SH3GL1: variants seen among roughly 807,000 people sequenced by gnomAD.
SH3GL1 encodes SH3 domain containing GRB2 like 1, endophilin A2, also known as endophilin-A2.
Under a neutral mutation model 48.8 loss-of-function variants are expected in SH3GL1, and 21 were observed. That is an observed-to-expected ratio of 0.43 (90% CI 0.30 to 0.62). SH3GL1 has a LOEUF of 0.62. Among genes scored for constraint, SH3GL1 ranks in the 20% least tolerant of loss-of-function variants. The pLI is 0.11. For synonymous variants in SH3GL1, 282 were observed against 217.5 expected (o/e 1.30, Z -2.61); for missense variants, 454 against 503.0 (o/e 0.90, Z 0.93).
At chr19:4,392,518 T>TCACACACACACACACACACACACACA (rs60108906) in intron 1 of SH3GL1, among the ~76,000 whole-genome samples, 1 of 137,766 alleles carries the variant, frequency 7.3e-6, no homozygotes, top group South Asian at 2.5e-4. Flanking sequence ...CAAGACTCCG[T>TCACACACACACACACACACACACACA]CACACACACA....
At chr19:4,388,049 T>C (rs558068228) in intron 1 of SH3GL1, among the ~76,000 whole-genome samples, 15 of 151,876 alleles carry the variant, frequency 9.9e-5, no homozygotes, top group African/African-American at 2.7e-4. Context: ...TTAGTAGAGA[T>C]GGGGTTTCAC....
chr19:4,383,391 T>A (rs964401426), intron 1 of SH3GL1, among the ~76,000 whole-genome samples: 4 of 151,840 alleles, frequency 2.6e-5, no homozygotes, highest in African/African-American at 7.3e-5. Context: ...TTTTTTTTTT[T>A]ATTTTTTATT....
Position 4,369,552 on chromosome 19 carries a change from G to T in SH3GL1, c.46-2558C>A, listed in dbSNP as rs989842572. Reference sequence around the variant, plus strand: ...CAGGAGGAGAGGCCCTACCGGCGAGGACCACATCCTGCCTCTGAGGGGAGG... The same window carrying T: ...CAGGAGGAGAGGCCCTACCGGCGAGTACCACATCCTGCCTCTGAGGGGAGG... On this transcript the variant is annotated intron_variant, in intron 1 of 9. Coordinates refer to ENST00000269886, the MANE Select transcript of SH3GL1 (RefSeq NM_003025.4). Among the ~76,000 whole-genome samples the T allele has an allele frequency of 1.5e-4, 23 of 152,280 alleles. No homozygotes were observed. In the South Asian group the frequency reaches 4.8e-3, roughly 32 times the overall value.
chr19:4,362,674 T>C lies in SH3GL1; in HGVS notation c.791A>G (p.Asp264Gly). 1 of 1,613,940 alleles carries C rather than the reference T, an allele frequency of 6.2e-7. No homozygotes were observed. Among genetic ancestry groups the C allele is most frequent in the African/African-American group, 1.3e-5 (1 of 75,052 alleles). ...EYKPKPREPF[D>G]LGEPEQSNGG... is the part of the protein sequence containing the mutation. ...GTTGGACTGCTCAGGCTCTCCAAGG[T>C]CAAAGGGCTCCCGGGGCTTGGGCTT... The change falls in exon 8 of 10, where the codon GAC becomes GGC. Residue 264 changes from aspartate to glycine, a missense_variant. Asp to Gly is a moderately conservative substitution (Grantham distance 94). Coordinates refer to ENST00000269886, the MANE Select transcript of SH3GL1 (RefSeq NM_003025.4).
At position 4,361,348 on chromosome 19, in the gene SH3GL1, G is replaced by A. The variant is rs566880804; in HGVS notation, c.*252C>T. 11 of 528,192 alleles carry A rather than the reference G, an allele frequency of 2.1e-5. No homozygotes were observed. Among genetic ancestry groups the A allele is most frequent in the Admixed American group, 1.0e-4 (3 of 29,476 alleles). The allele number at this position is 528,192 out of a possible 1,614,324, so 32.7% of individuals were successfully genotyped here. ...TTGGGGAGCGGGGGAGGAGGCTGGCGCCATGGAGTGGGGAAGGGAGCCGTC... is the reference window on the plus strand; with the variant it reads ...TTGGGGAGCGGGGGAGGAGGCTGGCACCATGGAGTGGGGAAGGGAGCCGTC... On this transcript the variant is annotated 3_prime_UTR_variant, in exon 10 of 10. Transcript: ENST00000269886.
At chr19:4,393,479 T>C (rs557351939) in intron 1 of SH3GL1, among the ~76,000 whole-genome samples, 1 of 151,694 alleles carries the variant, frequency 6.6e-6, no homozygotes, top group African/African-American at 2.4e-5. Flanking sequence ...AGACTCAGTC[T>C]CTACAAAAAA....
At chr19:4,373,655 C>A (rs577134036) in intron 1 of SH3GL1, among the ~76,000 whole-genome samples, 1 of 152,190 alleles carries the variant, frequency 6.6e-6, no homozygotes, top group Non-Finnish European at 1.5e-5. Flanking sequence ...AAGCCCCAGG[C>A]GTCCTCTCAG....
intron 1 of SH3GL1, among the ~76,000 whole-genome samples, chr19:4,381,516 CTCTCTGTCCCCCTGCT>C (rs1318485775): frequency 9.6e-6 from 1 of 104,504 alleles, no homozygotes; most frequent in East Asian, 3.3e-4. Context: ...TCTCCCCCGC[CTCTCTGTCCCCCTGCT>C]TCTCTGTCTC....
chr19:4,361,287 T>C lies in SH3GL1; in HGVS notation c.*313A>G, dbSNP rs1348471685. Reference sequence around the variant, plus strand: ...GAACATTAGTGTTTCTAAGAGCACCTTAGTGTTGCCCCGCCTCGGCCAGCT... The same window carrying C: ...GAACATTAGTGTTTCTAAGAGCACCCTAGTGTTGCCCCGCCTCGGCCAGCT... On this transcript the variant is annotated 3_prime_UTR_variant, in exon 10 of 10. Transcript: ENST00000269886. 2 of 454,638 alleles carry C rather than the reference T, an allele frequency of 4.4e-6. No homozygotes were observed. Among genetic ancestry groups the C allele is most frequent in the East Asian group, 3.9e-5 (1 of 25,554 alleles). The allele number at this position is 454,638 out of a possible 1,614,324, so 28.2% of individuals were successfully genotyped here.
chr19:4,399,397 A>G (rs1004336145), intron 1 of SH3GL1, among the ~76,000 whole-genome samples: 1 of 148,800 alleles, frequency 6.7e-6, no homozygotes, highest in Non-Finnish European at 1.5e-5. Context: ...CAGGAAAGGA[A>G]GGGAGGAAGG....
In SH3GL1 at chr19:4,364,134, A is replaced by G. The variant is rs1972706042; in HGVS notation, c.419T>C (p.Ile140Thr). The G allele has an allele frequency of 2.5e-6, 4 of 1,613,738 alleles. No homozygotes were observed. Among genetic ancestry groups the G allele is most frequent in the Admixed American group, 3.3e-5 (2 of 59,998 alleles). ...SLDIEVKQNFIDPLQNLCEKD... is the reference protein window; with the variant it reads ...SLDIEVKQNFTDPLQNLCEKD... ...CTCGCACAGGTTCTGGAGGGGGTCA[A>G]TGAAGTTCTGCTTGACCTCGATGTC... is the stretch of plus-strand genomic sequence containing the variant. The change falls in exon 5 of 10, where the codon ATT becomes ACT. Residue 140 changes from isoleucine (I) to threonine (T), a missense_variant. Around this residue, in one of 2 missense-constraint regions of SH3GL1, gnomAD observed 176 missense variants for 256.2 expected, o/e 0.69. Coordinates refer to ENST00000269886, the MANE Select transcript of SH3GL1 (RefSeq NM_003025.4).
chr19:4,361,677 A>G lies in SH3GL1; in HGVS notation c.1030T>C (p.Tyr344His). The change falls in exon 10 of 10, where the codon TAC becomes CAC. Residue 344 changes from tyrosine (Y) to histidine (H), a missense_variant. Coordinates refer to ENST00000269886, the MANE Select transcript of SH3GL1 (RefSeq NM_003025.4). ...GACTGGCCGTCCAGCATGCCCTCGT[A>G]CCAGTTCTCATCGATCTGGTTGGTC... is the stretch of plus-strand genomic sequence containing the variant. ...TLTNQIDENW[Y>H]EGMLDGQSGF... 1.2e-6 allele frequency: 2 copies of G among 1,612,970 alleles called. No homozygotes were observed. Among genetic ancestry groups the G allele is most frequent in the Non-Finnish European group, 1.7e-6 (2 of 1,179,826 alleles).
chr19:4,371,916 C>A (rs991634350), intron 1 of SH3GL1, among the ~76,000 whole-genome samples: 1 of 152,234 alleles, frequency 6.6e-6, no homozygotes, highest in Non-Finnish European at 1.5e-5. Flanking sequence ...AGGCACAGAG[C>A]GGAGAAATGG....
chr19:4,390,833 C>T (rs1053172831), intron 1 of SH3GL1, among the ~76,000 whole-genome samples: 7 of 152,024 alleles, frequency 4.6e-5, no homozygotes, highest in Non-Finnish European at 7.4e-5. Flanking sequence ...ATGGAGGCCG[C>T]TCTGAGCTTC....
intron 1 of SH3GL1, among the ~76,000 whole-genome samples, chr19:4,372,522 G>A (rs1053494425): frequency 3.3e-5 from 5 of 152,198 alleles, no homozygotes; most frequent in Admixed American, 1.3e-4. Flanking sequence ...GCCCCAGGGA[G>A]GGACGTAAGG....
chr19:4,362,059 G>T (rs887918263), intron 9 of SH3GL1, among the ~76,000 whole-genome samples: 6 of 152,352 alleles, frequency 3.9e-5, no homozygotes, highest in African/African-American at 1.4e-4. Context: ...TGCGGTGACA[G>T]GGAGTGACCA....
intron 3 of SH3GL1, 129 bp downstream of exon 3, chr19:4,366,372 C>T: frequency 1.4e-6 from 1 of 712,566 alleles, no homozygotes; most frequent in Non-Finnish European, 2.4e-6. Flanking sequence ...ATGGCCTCTG[C>T]ACTCCGGGAT....
rs1011083840 is a variant in SH3GL1 at position 4,367,867 on chromosome 19, G to A, written c.46-873C>T. ...ACCCCACGTATCCCATGTGTGCCTG[G>A]CGCCAAGGGATGCCGCACAGAGTGA... On this transcript the variant is annotated intron_variant, in intron 1 of 9. Transcript: ENST00000269886. This position sits in a 1 kb window ranked among gnomAD's most constrained non-coding sequence, Gnocchi z 4.2. Among the ~76,000 whole-genome samples, 2 of 152,194 alleles carry A rather than the reference G, an allele frequency of 1.3e-5. No homozygotes were observed. The highest frequency in any genetic ancestry group is 4.8e-5 in the African/African-American group (2 of 41,440).
At chr19:4,364,919 T>A (rs1216398875) in intron 4 of SH3GL1, among the ~76,000 whole-genome samples, 39 of 146,498 alleles carry the variant, frequency 2.7e-4, no homozygotes, top group Admixed American at 6.1e-4. Context: ...TATATATATT[T>A]TTTTTTTTTT....
Sources: allele counts gnomAD v4.1 joint callset (sites outside exome capture counted in the v4.1 genomes callset), GRCh38; gene constraint gnomAD v4.1.1; regional missense constraint gnomAD v4.1.1; non-coding constraint Gnocchi (gnomAD v3.1); transcripts MANE v1.5; gene names NCBI Gene and HGNC (gene_info 2026-07-23, HGNC 2026-07-21).